The following UBE2B variants were observed in gnomAD, a reference collection of about 807,000 sequenced individuals.
UBE2B encodes ubiquitin-conjugating enzyme E2 B.
A neutral mutation model predicts 24.6 loss-of-function variants in UBE2B; 11 were observed. That is an observed-to-expected ratio of 0.45 (90% CI 0.28 to 0.74). UBE2B has a LOEUF of 0.74. UBE2B is among the 30% of genes least tolerant of loss of function. UBE2B has a pLI of 0.13. For synonymous variants in UBE2B, 68 were observed against 62.4 expected (o/e 1.09, Z -0.42); for missense variants, 78 against 185.6 (o/e 0.42, Z 3.37).
chr5:134,385,561 G>A (rs1758785787), intron 4 of UBE2B: 2 of 151,934 alleles, frequency 1.3e-5, no homozygotes, highest in East Asian at 1.9e-4. Context: ...AATACTTAAC[G>A]TTCATTGCTT....
Position 134,390,387 on chromosome 5 carries a change from G to A in UBE2B, c.*34G>A. 1 of 1,612,620 alleles carries A rather than the reference G, an allele frequency of 6.2e-7. No individual in the cohort carries two copies. The highest frequency in any genetic ancestry group is 1.1e-5 in the South Asian group (1 of 90,984). ...TGGTCTGTTAATCTTTTTCATCATT[G>A]TTGTGTATAATTTACCTCTCATTAG... On this transcript the variant is annotated 3_prime_UTR_variant, in exon 6 of 6. Transcript: ENST00000265339. The surrounding 1 kb of genome is among the most constrained non-coding windows in gnomAD (Gnocchi z 4.6).
rs2079359802 is a variant in UBE2B, at chr5:134,390,418, C to CT, written c.*66dup. The CT allele has an allele frequency of 6.2e-7, 1 of 1,601,588 alleles. No individual in the cohort carries two copies. The highest frequency in any genetic ancestry group is 1.3e-5 in the African/African-American group (1 of 74,580). ...TATAATTTACCTCTCATTAGAAAGG[C>CT]TAACAAATTTTAAGTGCCACAGGTT... On this transcript the variant is annotated 3_prime_UTR_variant, in exon 6 of 6. Transcript: ENST00000265339. The surrounding 1 kb of genome is among the most constrained non-coding windows in gnomAD (Gnocchi z 4.6).
intron 1 of UBE2B, among the ~76,000 whole-genome samples, chr5:134,373,323 T>C (rs563740323): frequency 6.6e-6 from 1 of 152,146 alleles, no homozygotes; most frequent in South Asian, 2.1e-4. Context: ...TTTTTTTTTT[T>C]TCTTGTAGCC....
chr5:134,375,288 A>G (rs891262357), intron 2 of UBE2B, among the ~76,000 whole-genome samples: 6 of 152,174 alleles, frequency 3.9e-5, no homozygotes, highest in Non-Finnish European at 7.4e-5. Flanking sequence ...TATATTGCGT[A>G]TATGCTTTTT....
intron 4 of UBE2B, among the ~76,000 whole-genome samples, chr5:134,382,993 C>G (rs956930198): frequency 8.0e-5 from 12 of 150,820 alleles, no homozygotes; most frequent in Non-Finnish European, 1.8e-4. Context: ...GGTGAAACCT[C>G]ATCTCTACCA....
intron 4 of UBE2B, among the ~76,000 whole-genome samples, chr5:134,384,738 T>A (rs1758768016): frequency 6.6e-6 from 1 of 152,228 alleles, no homozygotes; most frequent in Non-Finnish European, 1.5e-5. Flanking sequence ...TTGACCCACT[T>A]AAATTGTACA....
rs575298762 is a variant in UBE2B at position 134,387,963 on chromosome 5, C to T, written c.242-362C>T. On this transcript the variant is annotated intron_variant, in intron 4 of 5. Coordinates refer to ENST00000265339, the MANE Select transcript of UBE2B (RefSeq NM_003337.4). ...GATTACAGGCATGTGCCACCATGCC[C>T]GGCTAATTTTTATAATTTTAGTAGA... Among the ~76,000 whole-genome samples the T allele has an allele frequency of 1.6e-4, 25 of 152,086 alleles. No homozygotes were observed. In the East Asian group the frequency reaches 4.1e-3, roughly 25 times the overall value.
intron 1 of UBE2B, among the ~76,000 whole-genome samples, chr5:134,374,182 T>C (rs1486485571): frequency 6.6e-6 from 1 of 152,228 alleles, no homozygotes; most frequent in Non-Finnish European, 1.5e-5. Flanking sequence ...TTTCAATTTT[T>C]AGATAATTTG....
At chr5:134,380,266 G>T (rs972160338) in intron 3 of UBE2B, among the ~76,000 whole-genome samples, 3 of 152,052 alleles carry the variant, frequency 2.0e-5, no homozygotes, top group Admixed American at 2.0e-4. Flanking sequence ...TGTGTGAGAC[G>T]GAGTCTTGCT....
intron 3 of UBE2B, among the ~76,000 whole-genome samples, chr5:134,380,054 T>C (rs1247224661): frequency 6.6e-6 from 1 of 152,048 alleles, no homozygotes; most frequent in Non-Finnish European, 1.5e-5. Context: ...TAGCTGAGAT[T>C]ACAGGCACCC....
Position 134,388,377 on chromosome 5 carries a change from A to C in UBE2B, c.294A>C (p.Pro98=). Residue 98 remains proline, a synonymous_variant, in exon 5 of 6, where the codon CCA becomes CCC. Transcript: ENST00000265339. ...CLDILQNRWS[P]TYDVSSILTS... ...ATATCCTTCAGAATCGATGGAGTCC[A>C]ACATATGATGTATCTTCTATCTTAA... The C allele has an allele frequency of 6.2e-7, 1 of 1,614,190 alleles. No individual in the cohort carries two copies. Among genetic ancestry groups the C allele is most frequent in the East Asian group, 2.2e-5 (1 of 44,872 alleles).
At chr5:134,372,148 G>T (rs774121892) in intron 1 of UBE2B, among the ~76,000 whole-genome samples, 64 of 152,202 alleles carry the variant, frequency 4.2e-4, no homozygotes, top group Non-Finnish European at 8.4e-4. Flanking sequence ...GGGGTCCAGT[G>T]CGTGAGGCCC....
intron 2 of UBE2B, among the ~76,000 whole-genome samples, chr5:134,374,801 G>A (rs555364727): frequency 1.1e-4 from 17 of 152,230 alleles, no homozygotes; most frequent in African/African-American, 4.1e-4. Flanking sequence ...AACTAGCTGA[G>A]CATGGTGGTG....
intron 4 of UBE2B, among the ~76,000 whole-genome samples, chr5:134,386,212 C>T (rs1452228981): frequency 6.7e-6 from 1 of 149,824 alleles, no homozygotes; most frequent in Non-Finnish European, 1.5e-5. Flanking sequence ...CCTGTGATCC[C>T]AGCTACTCGG....
intron 1 of UBE2B, 81 bp from the exon 2 acceptor site, chr5:134,374,302 G>C (rs549370621): frequency 1.3e-5 from 16 of 1,233,534 alleles, no homozygotes; most frequent in African/African-American, 4.5e-5. Context: ...AAAATAGATG[G>C]TATAGTGTCT....
intron 5 of UBE2B, chr5:134,388,959 T>G (rs995477096): frequency 5.0e-5 from 18 of 357,574 alleles, no homozygotes; most frequent in Admixed American, 1.6e-4. Context: ...TTTTTTTTTT[T>G]TTTTTTTTTT....
At chr5:134,381,844 TG>T (rs1758715661) in intron 4 of UBE2B, among the ~76,000 whole-genome samples, 1 of 152,196 alleles carries the variant, frequency 6.6e-6, no homozygotes, top group Non-Finnish European at 1.5e-5. Flanking sequence ...CTCAGGAGGC[TG>T]AGACAGGAGA....
intron 4 of UBE2B, among the ~76,000 whole-genome samples, chr5:134,384,160 A>G (rs1439526199): frequency 1.3e-5 from 2 of 152,146 alleles, no homozygotes; most frequent in Admixed American, 6.6e-5. Flanking sequence ...CCATCAGCCA[A>G]CTCACTTTCA....
intron 2 of UBE2B, among the ~76,000 whole-genome samples, chr5:134,374,926 G>A (rs1049933704): frequency 6.6e-6 from 1 of 151,926 alleles, no homozygotes; most frequent in African/African-American, 2.4e-5. Context: ...TGGGCAGCCA[G>A]CAGAGCCAAG....
Sources: gnomAD v4.1 joint callset for allele counts (sites outside exome capture counted in the v4.1 genomes callset) on GRCh38, gnomAD v4.1.1 for gene constraint, Gnocchi (gnomAD v3.1) non-coding constraint, MANE v1.5 for transcripts, NCBI Gene and HGNC (gene_info 2026-07-23, HGNC 2026-07-21) for gene names.